DLGAP2: variants seen among roughly 807,000 people sequenced by gnomAD.
The protein encoded by DLGAP2 is disks large-associated protein 2.
Under a neutral mutation model 100.3 loss-of-function variants are expected in DLGAP2, and 26 were observed. That is an observed-to-expected ratio of 0.26 (90% confidence interval 0.19 to 0.36). The LOEUF is 0.36. Among genes scored for constraint, DLGAP2 ranks in the 10% least tolerant of loss-of-function variants. The pLI is 1.00. For synonymous variants in DLGAP2, 886 were observed against 630.1 expected, an observed-to-expected ratio of 1.41 and a Z score of -6.08; for missense variants, 1,858 against 1,453.2, an observed-to-expected ratio of 1.28 and a Z score of -4.53.
chr8:1,176,825 C>G (rs1487821717), intron 2 of DLGAP2, among the ~76,000 whole-genome samples: 1 of 152,168 alleles, frequency 6.6e-6, no homozygotes, highest in African/African-American at 2.4e-5. Context: ...ATTCTCTCAA[C>G]ACACCCTCTG....
intron 3 of DLGAP2, among the ~76,000 whole-genome samples, chr8:1,273,902 C>T (rs1799631539): frequency 6.6e-6 from 1 of 152,102 alleles, no homozygotes; most frequent in Non-Finnish European, 1.5e-5. Context: ...CATATATAGC[C>T]GGGAATCTGC....
intron 2 of DLGAP2, among the ~76,000 whole-genome samples, chr8:1,018,000 C>A (rs139161858): frequency 6.6e-6 from 1 of 152,158 alleles, no homozygotes; most frequent in Admixed American, 6.5e-5. Flanking sequence ...CTGAACTATT[C>A]CCACCCCATC....
intron 1 of DLGAP2, among the ~76,000 whole-genome samples, chr8:850,818 A>C (rs1306358332): frequency 1.3e-5 from 2 of 152,044 alleles, no homozygotes; most frequent in Non-Finnish European, 2.9e-5. Flanking sequence ...TCCTAAAATA[A>C]TAGTTAAAAT....
intron 2 of DLGAP2, among the ~76,000 whole-genome samples, chr8:1,214,130 C>G (rs914455415): frequency 6.6e-6 from 1 of 152,188 alleles, no homozygotes; most frequent in Non-Finnish European, 1.5e-5. Context: ...CACACTTTCT[C>G]CCAGCCCCCT....
intron 6 of DLGAP2, among the ~76,000 whole-genome samples, chr8:1,579,068 A>AT (rs1803114703): frequency 2.0e-5 from 3 of 152,260 alleles, no homozygotes; most frequent in African/African-American, 7.2e-5. Context: ...TGAATAACTA[A>AT]TTCAATTCTG....
chr8:1,546,320 G>T (rs1403104976), intron 4 of DLGAP2, among the ~76,000 whole-genome samples: 2 of 152,210 alleles, frequency 1.3e-5, no homozygotes, highest in Non-Finnish European at 2.9e-5. Flanking sequence ...GCTGGCCTCA[G>T]TGGGAGAAAC....
intron 1 of DLGAP2, among the ~76,000 whole-genome samples, chr8:812,290 C>T (rs1383393367): frequency 6.6e-6 from 1 of 152,158 alleles, no homozygotes; most frequent in African/African-American, 2.4e-5. Flanking sequence ...GTCCCTATGG[C>T]AGTGGGCACG....
chr8:1,475,340 G>T (rs189956930), intron 3 of DLGAP2, among the ~76,000 whole-genome samples: 3 of 152,236 alleles, frequency 2.0e-5, no homozygotes, highest in Admixed American at 1.3e-4. Flanking sequence ...AAAAGCCGGG[G>T]GAGCAGGTTT....
In DLGAP2 at chr8:793,686, A is replaced by T. The variant is rs78154202; in HGVS notation, c.18+55861A>T. Among the ~76,000 whole-genome samples, 615 of 152,218 alleles carry T rather than the reference A, an allele frequency of 4.0e-3. 4 individuals carry two copies. Among genetic ancestry groups the T allele is most frequent in the African/African-American group, 0.014 (581 of 41,524 alleles). On this transcript the variant is annotated intron_variant, in intron 1 of 14. Coordinates refer to ENST00000637795, the MANE Select transcript of DLGAP2 (RefSeq NM_001346810.2). ...TCTTTGCATTTTGTGCAATTTCCTT[A>T]TAGATTTCCCTGACGGAGTCCACAG...
At chr8:934,559 G>C (rs541423347) in intron 2 of DLGAP2, among the ~76,000 whole-genome samples, 2 of 152,300 alleles carry the variant, frequency 1.3e-5, no homozygotes, top group East Asian at 1.9e-4. Context: ...CGCCTCCCAG[G>C]GGGTGGAGAG....
chr8:1,507,564 G>A (rs1456020496), intron 4 of DLGAP2, among the ~76,000 whole-genome samples: 6 of 152,170 alleles, frequency 3.9e-5, no homozygotes, highest in Non-Finnish European at 7.4e-5. Flanking sequence ...AGCCCCCAGG[G>A]CAGTGGCTGG....
At chr8:1,502,885 G>T (rs1799771305) in intron 4 of DLGAP2, among the ~76,000 whole-genome samples, 1 of 152,170 alleles carries the variant, frequency 6.6e-6, no homozygotes, top group Non-Finnish European at 1.5e-5. Flanking sequence ...GCAGCAGGAG[G>T]TACCTGGGGT....
At position 1,015,045 on chromosome 8, in the gene DLGAP2, CTG is replaced by C. The variant is rs1265263076; in HGVS notation, c.73+107088_73+107089del. ...GTGACCAGGACAGACGGCGCCTCCA[CTG>C]TGTGTGTGACCAGGACAGACGGTGC... On this transcript the variant is annotated intron_variant, in intron 2 of 14. Coordinates refer to ENST00000637795, the MANE Select transcript of DLGAP2 (RefSeq NM_001346810.2). Among the ~76,000 whole-genome samples, 5 of 23,802 alleles carry C rather than the reference CTG, an allele frequency of 2.1e-4. 1 individual carries two copies. Among genetic ancestry groups the C allele is most frequent in the Admixed American group, 6.9e-4 (2 of 2,912 alleles). 15.6% of individuals were successfully genotyped at this position (23,802 alleles called of 152,430 possible).
intron 2 of DLGAP2, among the ~76,000 whole-genome samples, chr8:1,028,908 G>A (rs1801894958): frequency 6.6e-6 from 1 of 152,198 alleles, no homozygotes; most frequent in Non-Finnish European, 1.5e-5. Flanking sequence ...CTGTGAGCCT[G>A]TGAAGGACGG....
At chr8:756,209 G>A (rs1451383029) in intron 1 of DLGAP2, among the ~76,000 whole-genome samples, 2 of 152,166 alleles carry the variant, frequency 1.3e-5, no homozygotes, top group African/African-American at 4.8e-5. Context: ...GGCGTCTGGG[G>A]GGGATACTGC....
At chr8:1,330,117 C>T (rs957060499) in intron 3 of DLGAP2, among the ~76,000 whole-genome samples, 12 of 152,184 alleles carry the variant, frequency 7.9e-5, no homozygotes, top group Non-Finnish European at 1.2e-4. Flanking sequence ...CTTGCCCCTG[C>T]GAGAGGTGTG....
At chr8:1,043,194 G>A (rs1387893410) in intron 2 of DLGAP2, among the ~76,000 whole-genome samples, 6 of 124,978 alleles carry the variant, frequency 4.8e-5, no homozygotes, top group African/African-American at 1.7e-4. Context: ...GTGGGTGTTG[G>A]TGGTGGATGC....
intron 3 of DLGAP2, among the ~76,000 whole-genome samples, chr8:1,367,690 T>A (rs892524817): frequency 6.6e-6 from 1 of 152,258 alleles, no homozygotes; most frequent in African/African-American, 2.4e-5. Flanking sequence ...CTTAGTTTTG[T>A]AACAAAGAGT....
intron 2 of DLGAP2, among the ~76,000 whole-genome samples, chr8:1,194,755 A>T (rs1797713250): frequency 6.6e-6 from 1 of 152,070 alleles, no homozygotes; most frequent in Non-Finnish European, 1.5e-5. Context: ...GCTTCATTAG[A>T]CCTGAAGTTT....
Sources: allele counts gnomAD v4.1 joint callset (sites outside exome capture counted in the v4.1 genomes callset), GRCh38; gene constraint gnomAD v4.1.1; transcripts MANE v1.5; gene names NCBI Gene and HGNC (gene_info 2026-07-23, HGNC 2026-07-21).